The following PCTP variants were observed in gnomAD, a reference collection of about 807,000 sequenced individuals.
PCTP encodes the protein phosphatidylcholine transfer protein.
In PCTP, 27 loss-of-function variants were observed where a neutral mutation model predicts 31.0. That is an observed-to-expected ratio of 0.87 (90% CI 0.64 to 1.20). The LOEUF (loss-of-function observed/expected upper bound fraction) is 1.20, where lower values mean the gene tolerates loss of function less well. PCTP is among the 50% of genes most tolerant of loss of function. PCTP has a pLI of 0.00. For missense variants in PCTP, 287 were observed against 268.2 expected (o/e 1.07, Z -0.49); for synonymous variants, 108 against 101.2 (o/e 1.07, Z -0.40).
intron 3 of PCTP, among the ~76,000 whole-genome samples, chr17:55,792,939 G>A (rs1912054962): frequency 6.6e-6 from 1 of 152,030 alleles, no homozygotes; most frequent in Non-Finnish European, 1.5e-5. Flanking sequence ...GTATGGATGA[G>A]TTCCCCAACA....
intron 3 of PCTP, among the ~76,000 whole-genome samples, chr17:55,796,679 T>A (rs911419810): frequency 1.3e-5 from 2 of 151,948 alleles, no homozygotes; most frequent in Admixed American, 6.6e-5. Flanking sequence ...ATGATTATGA[T>A]CTCCTGTGCA....
chr17:55,808,251 A>T (rs1226358365), intron 3 of PCTP, among the ~76,000 whole-genome samples: 1 of 152,214 alleles, frequency 6.6e-6, no homozygotes, highest in Non-Finnish European at 1.5e-5. Flanking sequence ...AATGCAATGC[A>T]TAAAATGCCT....
intron 3 of PCTP, among the ~76,000 whole-genome samples, chr17:55,793,572 G>A (rs913054130): frequency 7.9e-5 from 12 of 152,018 alleles, no homozygotes; most frequent in African/African-American, 2.9e-4. Context: ...GTGATTGTCT[G>A]ATTATTTACA....
At chr17:55,789,513 T>G (rs989574108) in intron 3 of PCTP, among the ~76,000 whole-genome samples, 1 of 152,230 alleles carries the variant, frequency 6.6e-6, no homozygotes, top group African/African-American at 2.4e-5. Flanking sequence ...TGTGTCCTAA[T>G]TGCTGTGTCT....
At chr17:55,757,011 A>G (rs1457456789) in intron 1 of PCTP, among the ~76,000 whole-genome samples, 2 of 152,018 alleles carry the variant, frequency 1.3e-5, no homozygotes, top group African/African-American at 2.4e-5. Context: ...CAAAACCTGG[A>G]TAATACTTAC....
Position 55,777,138 on chromosome 17 carries a change from T to C in PCTP, c.*1038T>C. The C allele has an allele frequency of 4.1e-6, 4 of 985,886 alleles. No homozygotes were observed. The highest frequency in any genetic ancestry group is 4.8e-6 in the Non-Finnish European group (4 of 829,936). 61.1% of individuals were successfully genotyped at this position (985,886 alleles called of 1,614,324 possible). A position where few individuals can be genotyped will look rare whatever the true frequency, so the allele number is the denominator to read the frequency against. ...CACCAAAAAGACTTTTAGTTTTCTA[T>C]GCTTTCTCCTGAATTTTGGTAGGGT... On this transcript the variant is annotated 3_prime_UTR_variant, in exon 6 of 6. Coordinates refer to ENST00000268896, the MANE Select transcript of PCTP (RefSeq NM_021213.4).
At chr17:55,787,150 C>CT (rs1911775974) in intron 2 of PCTP, among the ~76,000 whole-genome samples, 1 of 151,424 alleles carries the variant, frequency 6.6e-6, no homozygotes. Flanking sequence ...TTTTTCTCAT[C>CT]TTTAAGAGCT....
chr17:55,778,431 T>C (rs1397651631), downstream of PCTP, among the ~76,000 whole-genome samples: 4 of 152,188 alleles, frequency 2.6e-5, no homozygotes, highest in African/African-American at 9.7e-5. Flanking sequence ...TATATCACTT[T>C]GATTACTGGT....
chr17:55,851,861 A>G, the PCTP span, among the ~76,000 whole-genome samples: 1 of 152,212 alleles, frequency 6.6e-6, no homozygotes, highest in Non-Finnish European at 1.5e-5. Context: ...AAATGGAACA[A>G]CCACAATTGA....
chr17:55,774,969 A>T (rs1911249236), intron 5 of PCTP, 110 bp downstream of exon 5: 9 of 1,208,042 alleles, frequency 7.5e-6, no homozygotes, highest in South Asian at 7.4e-5. Flanking sequence ...CTCAGGCGTA[A>T]TGAGGCTCTT....
chr17:55,772,746 T>C (rs1911083257), intron 3 of PCTP, among the ~76,000 whole-genome samples: 1 of 152,222 alleles, frequency 6.6e-6, no homozygotes, highest in Non-Finnish European at 1.5e-5. Flanking sequence ...ACTAACAAAC[T>C]AAATATCTGA....
chr17:55,798,273 G>GGGATAATAT (rs1912251693), intron 3 of PCTP, among the ~76,000 whole-genome samples: 1 of 152,080 alleles, frequency 6.6e-6, no homozygotes, highest in African/African-American at 2.4e-5. Context: ...AGAGTGAAGA[G>GGGATAATAT]GGATAATATA....
downstream of PCTP, among the ~76,000 whole-genome samples, chr17:55,779,234 C>T (rs1402881521): frequency 6.6e-6 from 1 of 152,174 alleles, no homozygotes; most frequent in Admixed American, 6.5e-5. Context: ...GGTGCCTGCC[C>T]TTAAGGTGCT....
chr17:55,825,723 G>T (rs1263184447), downstream of PCTP, among the ~76,000 whole-genome samples: 1 of 152,242 alleles, frequency 6.6e-6, no homozygotes, highest in African/African-American at 2.4e-5. Context: ...ATGACTCCAG[G>T]ATCCTTAACG....
downstream of PCTP, among the ~76,000 whole-genome samples, chr17:55,847,111 A>C (rs1365690818): frequency 1.3e-5 from 2 of 152,214 alleles, no homozygotes; most frequent in East Asian, 1.9e-4. Context: ...ATTTTTGCTC[A>C]CTGGCCTTAG....
the PCTP span, among the ~76,000 whole-genome samples, chr17:55,848,145 G>T: frequency 6.6e-6 from 1 of 152,114 alleles, no homozygotes; most frequent in East Asian, 1.9e-4. Context: ...GGCTGCTCCT[G>T]AACTCTTGAC....
At position 55,792,733 on chromosome 17, in the gene PCTP, A is replaced by G. The variant is rs535972831; in HGVS notation, c.317+5079A>G. On this transcript the variant is annotated intron_variant, in intron 3 of 3. Transcript: ENST00000572536. ...AAAGCCTATGTAAGTAAGCAGTGAA[A>G]TTTTATGATTCTTAGCCTTTCTATT... is the stretch of plus-strand genomic sequence containing the variant. Among the ~76,000 whole-genome samples the G allele has an allele frequency of 6.6e-5, 10 of 152,234 alleles. No homozygotes were observed. The South Asian group carries it at 1.0e-3, about 16-fold the overall frequency.
At chr17:55,804,173 C>T (rs532645850) in intron 3 of PCTP, among the ~76,000 whole-genome samples, 1 of 152,282 alleles carries the variant, frequency 6.6e-6, no homozygotes, top group East Asian at 1.9e-4. Context: ...AAAACCATCT[C>T]ACTCCAGATA....
At chr17:55,754,683 A>G (rs1015554137) in intron 1 of PCTP, among the ~76,000 whole-genome samples, 4 of 152,210 alleles carry the variant, frequency 2.6e-5, no homozygotes, top group African/African-American at 9.6e-5. Flanking sequence ...TCCATGCGAC[A>G]TTCCTTCTTC....
Sources: gnomAD v4.1 joint callset for allele counts (sites outside exome capture counted in the v4.1 genomes callset) on GRCh38, gnomAD v4.1.1 for gene constraint, MANE v1.5 for transcripts, NCBI Gene and HGNC (gene_info 2026-07-23, HGNC 2026-07-21) for gene names.